Variants in LINGO1 observed in about 807,000 individuals in gnomAD.
LINGO1 encodes the protein leucine-rich repeat and immunoglobulin-like domain-containing nogo receptor-interacting protein 1.
In LINGO1, 11 loss-of-function variants were observed where a neutral mutation model predicts 37.3. The observed-to-expected ratio is 0.29, with a 90% CI of 0.19 to 0.49. The LOEUF is 0.49. LINGO1 is among the 20% of genes least tolerant of loss of function. The pLI is 0.99. For missense variants in LINGO1, 585 were observed against 878.2 expected, an observed-to-expected ratio of 0.67 and a Z score of 4.22; for synonymous variants, 387 against 403.0, an observed-to-expected ratio of 0.96 and a Z score of 0.48.
At chr15:77,696,764 C>T (rs974777713), upstream of LINGO1, among the ~76,000 whole-genome samples, 7 of 152,210 alleles carry the variant, frequency 4.6e-5, no homozygotes, top group Non-Finnish European at 1.0e-4. Context: ...TAGGAGACTC[C>T]CCTGAGCAGA....
At chr15:77,664,482 G>A (rs1167208434) in intron 3 of LINGO1, among the ~76,000 whole-genome samples, 3 of 152,184 alleles carry the variant, frequency 2.0e-5, no homozygotes, top group South Asian at 2.1e-4. Context: ...TCGAGGCAAC[G>A]TCCCATAGGT....
upstream of LINGO1, among the ~76,000 whole-genome samples, chr15:77,699,558 G>A (rs962243496): frequency 6.4e-3 from 17 of 2,668 alleles, no homozygotes; most frequent in East Asian, 0.014. Flanking sequence ...AACCATCCCT[G>A]CACACAGTAA....
chr15:77,795,381 T>C (rs1194478729), intron 2 of LINGO1, among the ~76,000 whole-genome samples: 1 of 152,056 alleles, frequency 6.6e-6, no homozygotes, highest in East Asian at 1.9e-4. Context: ...CAAGAACACA[T>C]CTCCTCTGTT....
At chr15:77,686,251 G>A (rs112802366) in intron 2 of LINGO1, among the ~76,000 whole-genome samples, 10 of 152,070 alleles carry the variant, frequency 6.6e-5, no homozygotes, top group Middle Eastern at 3.4e-3. Context: ...AACCTCAACC[G>A]TGCTGGAAGC....
intron 1 of LINGO1, among the ~76,000 whole-genome samples, chr15:77,758,082 C>A (rs2076438249): frequency 6.6e-6 from 1 of 152,162 alleles, no homozygotes; most frequent in South Asian, 2.1e-4. Context: ...ACAGCTCGCC[C>A]CTCCCTCGCC....
intron 2 of LINGO1, among the ~76,000 whole-genome samples, chr15:77,794,575 T>C (rs1165310049): frequency 1.1e-4 from 3 of 27,056 alleles, no homozygotes; most frequent in African/African-American, 2.5e-4. Flanking sequence ...CACACACATA[T>C]ATATATATAT....
chr15:77,676,661 C>T (rs757361303), intron 3 of LINGO1, among the ~76,000 whole-genome samples: 5 of 152,126 alleles, frequency 3.3e-5, no homozygotes, highest in Non-Finnish European at 5.9e-5. Context: ...CACTGGGCAG[C>T]GGCGGTGAAA....
intron 1 of LINGO1, among the ~76,000 whole-genome samples, chr15:77,797,620 C>G (rs887631355): frequency 6.6e-6 from 1 of 152,244 alleles, no homozygotes; most frequent in African/African-American, 2.4e-5. Context: ...TGGCTCCCAG[C>G]AGCCCTTGAG....
intron 2 of LINGO1, among the ~76,000 whole-genome samples, chr15:77,704,067 G>C (rs143903820): frequency 2.2e-3 from 329 of 152,306 alleles, no homozygotes; most frequent in Non-Finnish European, 4.0e-3. Flanking sequence ...TATCTTTTGA[G>C]TTCCAGTTTC....
chr15:77,716,148 A>G (rs891476625), intron 2 of LINGO1, among the ~76,000 whole-genome samples: 6 of 135,560 alleles, frequency 4.4e-5, no homozygotes, highest in African/African-American at 1.5e-4. Context: ...TGACTTCTCC[A>G]AAGTCTCACA....
chr15:77,685,334 G>C (rs1253108203), intron 2 of LINGO1, among the ~76,000 whole-genome samples: 1 of 152,110 alleles, frequency 6.6e-6, no homozygotes, highest in African/African-American at 2.4e-5. Context: ...CTACTTTCAG[G>C]ACCTTGGCTC....
At chr15:77,678,698 G>A (rs1596095332) in intron 2 of LINGO1, among the ~76,000 whole-genome samples, 1 of 152,314 alleles carries the variant, frequency 6.6e-6, no homozygotes, top group South Asian at 2.1e-4. Flanking sequence ...GGATTGCTGA[G>A]TTGTGTGGTA....
intron 3 of LINGO1, among the ~76,000 whole-genome samples, chr15:77,644,077 T>C (rs1442417717): frequency 6.6e-6 from 1 of 152,202 alleles, no homozygotes; most frequent in East Asian, 1.9e-4. Flanking sequence ...CTTGTGACCG[T>C]GAATCTAGCT....
intron 1 of LINGO1, among the ~76,000 whole-genome samples, chr15:77,771,239 G>A (rs980003779): frequency 6.6e-6 from 1 of 152,108 alleles, no homozygotes; most frequent in Non-Finnish European, 1.5e-5. Flanking sequence ...AACCACTTTT[G>A]AGCACTGACT....
chr15:77,691,613 A>C (rs1001164634), intron 1 of LINGO1, among the ~76,000 whole-genome samples: 1 of 152,042 alleles, frequency 6.6e-6, no homozygotes, highest in African/African-American at 2.4e-5. Flanking sequence ...GCCCCAATGC[A>C]TGTCCTGAGA....
At position 77,614,098 on chromosome 15, in the gene LINGO1, G is replaced by A. The variant is rs148524464; in HGVS notation, c.1809C>T (p.Asp603=). 48 of 1,613,632 alleles carry A rather than the reference G, an allele frequency of 3.0e-5. No homozygotes were observed. Among genetic ancestry groups the A allele is most frequent in the South Asian group, 1.2e-4 (11 of 91,056 alleles). ...IEIEYVPRKS[D]AGISSADAPR... is the part of the protein sequence containing the mutation. Reference sequence around the variant, plus strand: ...GCGCGTCGGCGGAGCTGATGCCTGCGTCCGACTTTCGGGGCACATACTCGA... The same window carrying A: ...GCGCGTCGGCGGAGCTGATGCCTGCATCCGACTTTCGGGGCACATACTCGA... Residue 603 remains aspartate, a synonymous_variant, in exon 2 of 2, where the codon GAC becomes GAT. Transcript: ENST00000355300.
chr15:77,632,420 C>T lies in LINGO1; in HGVS notation c.-105G>A. The T allele has an allele frequency of 8.4e-7, 1 of 1,195,112 alleles. No individual in the cohort carries two copies. Among genetic ancestry groups the T allele is most frequent in the Non-Finnish European group, 1.1e-6 (1 of 943,138 alleles). 74.0% of individuals were successfully genotyped at this position (1,195,112 alleles called of 1,614,324 possible). A position where few individuals can be genotyped will look rare whatever the true frequency, so the allele number is the denominator to read the frequency against. ...GCCCAGCCCCCTCCTCCGTTTCCTC[C>T]TCCTCCGACACCTCCGCCCGGCAGT... On this transcript the variant is annotated 5_prime_UTR_variant, in exon 1 of 2. Transcript: ENST00000355300. This position sits in a 1 kb window ranked among gnomAD's most constrained non-coding sequence, Gnocchi z 6.0.
chr15:77,752,314 C>T (rs1282359895), intron 1 of LINGO1, among the ~76,000 whole-genome samples: 1 of 152,242 alleles, frequency 6.6e-6, no homozygotes, highest in African/African-American at 2.4e-5. Flanking sequence ...GACTTTTGTC[C>T]TAAAAGTAGG....
chr15:77,809,892 C>T (rs2076989338), intron 1 of LINGO1, among the ~76,000 whole-genome samples: 1 of 152,166 alleles, frequency 6.6e-6, no homozygotes, highest in Admixed American at 6.5e-5. Context: ...TCCCCAACCG[C>T]AGAGAACAGA....
Sources: allele counts gnomAD v4.1 joint callset (sites outside exome capture counted in the v4.1 genomes callset), GRCh38; gene constraint gnomAD v4.1.1; non-coding constraint Gnocchi (gnomAD v3.1); transcripts MANE v1.5; gene names NCBI Gene and HGNC (gene_info 2026-07-23, HGNC 2026-07-21).